Variants in SNTG1 observed in about 807,000 individuals in gnomAD.
SNTG1 encodes syntrophin gamma 1.
In SNTG1, 39 loss-of-function variants were observed where a neutral mutation model predicts 74.7. That is an observed-to-expected ratio of 0.52 (90% CI 0.40 to 0.68). The LOEUF is 0.68. SNTG1 is among the 30% of genes least tolerant of loss of function. SNTG1 has a pLI of 0.00. For missense variants in SNTG1, 685 were observed against 609.5 expected, an observed-to-expected ratio of 1.12 and a Z score of -1.30; for synonymous variants, 254 against 217.1, an observed-to-expected ratio of 1.17 and a Z score of -1.49.
At chr8:50,154,449 T>C (rs1380721773) in intron 1 of SNTG1, among the ~76,000 whole-genome samples, 1 of 152,030 alleles carries the variant, frequency 6.6e-6, no homozygotes, top group Non-Finnish European at 1.5e-5. Flanking sequence ...ACCCCCACTG[T>C]CCAACGTGCC....
chr8:50,467,774 T>C (rs1009403171), intron 8 of SNTG1, among the ~76,000 whole-genome samples: 14 of 151,924 alleles, frequency 9.2e-5, no homozygotes, highest in African/African-American at 2.9e-4. Flanking sequence ...CATTCAATGG[T>C]TTAAATTTAT....
chr8:50,264,562 T>A, intron 2 of SNTG1, among the ~76,000 whole-genome samples: 1 of 148,928 alleles, frequency 6.7e-6, no homozygotes. Context: ...AGAGCAAGCC[T>A]CCGTCTCAAA....
intron 2 of SNTG1, among the ~76,000 whole-genome samples, chr8:50,276,188 G>C (rs1368451348): frequency 6.6e-6 from 1 of 151,994 alleles, no homozygotes; most frequent in African/African-American, 2.4e-5. Context: ...CATTCTGCTT[G>C]TTTGTTAATT....
At chr8:50,295,849 C>T (rs1185563797) in intron 2 of SNTG1, among the ~76,000 whole-genome samples, 4 of 152,066 alleles carry the variant, frequency 2.6e-5, no homozygotes, top group Non-Finnish European at 5.9e-5. Context: ...TATCTTTGGA[C>T]AAAATGTTCC....
At chr8:49,969,204 C>T (rs113232764) in intron 1 of SNTG1, among the ~76,000 whole-genome samples, 2 of 151,884 alleles carry the variant, frequency 1.3e-5, no homozygotes, top group African/African-American at 4.8e-5. Flanking sequence ...TTTTAAGAGG[C>T]TTGGTTTACT....
At chr8:50,790,247 CCTTT>C (rs1252068515) in intron 18 of SNTG1, among the ~76,000 whole-genome samples, 2 of 151,856 alleles carry the variant, frequency 1.3e-5, no homozygotes, top group Admixed American at 6.6e-5. Flanking sequence ...CTGTTTTGTT[CCTTT>C]GTTTGTTTTT....
intron 1 of SNTG1, among the ~76,000 whole-genome samples, chr8:50,049,009 A>G (rs1819336354): frequency 6.6e-6 from 1 of 152,096 alleles, no homozygotes; most frequent in African/African-American, 2.4e-5. Context: ...AAAGTTAAAA[A>G]AACTATAATT....
chr8:50,702,723 A>G (rs148544838), intron 15 of SNTG1, among the ~76,000 whole-genome samples: 1 of 152,304 alleles, frequency 6.6e-6, no homozygotes, highest in African/African-American at 2.4e-5. Context: ...CCACTGTTGT[A>G]CAAACACCAC....
chr8:50,344,208 T>C (rs2091404117), intron 2 of SNTG1, among the ~76,000 whole-genome samples: 1 of 152,218 alleles, frequency 6.6e-6, no homozygotes, highest in Non-Finnish European at 1.5e-5. Flanking sequence ...ACCTTATATA[T>C]ACACCATTTT....
At chr8:50,426,125 T>C (rs1300267166) in intron 4 of SNTG1, among the ~76,000 whole-genome samples, 2 of 152,154 alleles carry the variant, frequency 1.3e-5, no homozygotes, top group Non-Finnish European at 2.9e-5. Context: ...TGAATACATT[T>C]TGATAGGTAA....
At chr8:49,927,681 G>A (rs1388904945) in intron 1 of SNTG1, among the ~76,000 whole-genome samples, 3 of 152,016 alleles carry the variant, frequency 2.0e-5, no homozygotes, top group Non-Finnish European at 4.4e-5. Context: ...GAAATTAGGG[G>A]GAGGGAGGGA....
At chr8:50,623,265 A>G (rs901706752) in intron 13 of SNTG1, among the ~76,000 whole-genome samples, 3 of 152,100 alleles carry the variant, frequency 2.0e-5, no homozygotes, top group African/African-American at 4.8e-5. Flanking sequence ...AGAGGAAAAA[A>G]TTTCAGTTTT....
chr8:50,462,848 C>T (rs1415701890), intron 8 of SNTG1, among the ~76,000 whole-genome samples: 4 of 95,552 alleles, frequency 4.2e-5, no homozygotes, highest in African/African-American at 8.8e-5. Flanking sequence ...GACGAAGTCT[C>T]ATTGTGTTGC....
chr8:50,166,934 A>C (rs1173257002), intron 1 of SNTG1, among the ~76,000 whole-genome samples: 1 of 149,664 alleles, frequency 6.7e-6, no homozygotes, highest in Non-Finnish European at 1.5e-5. Flanking sequence ...ATGGAATACT[A>C]TGCAGCCATA....
chr8:50,104,192 G>T (rs1053063815), intron 1 of SNTG1, among the ~76,000 whole-genome samples: 1 of 152,028 alleles, frequency 6.6e-6, no homozygotes, highest in South Asian at 2.1e-4. Context: ...ATCTGGTCTT[G>T]GACTCTTTTT....
chr8:49,936,797 A>G (rs1808118889), intron 1 of SNTG1, among the ~76,000 whole-genome samples: 1 of 152,160 alleles, frequency 6.6e-6, no homozygotes, highest in Non-Finnish European at 1.5e-5. Context: ...CAAGCAAAAA[A>G]CAGCAATTAT....
chr8:50,588,347 C>A (rs1054691879), intron 12 of SNTG1, among the ~76,000 whole-genome samples: 3 of 152,042 alleles, frequency 2.0e-5, no homozygotes, highest in Non-Finnish European at 2.9e-5. Flanking sequence ...GGAAAAATTT[C>A]TGAATACAAT....
At chr8:50,565,947 C>A (rs955278820) in intron 12 of SNTG1, among the ~76,000 whole-genome samples, 1 of 151,808 alleles carries the variant, frequency 6.6e-6, no homozygotes, top group Non-Finnish European at 1.5e-5. Context: ...TAAAGAGATA[C>A]AATCATAGCA....
chr8:50,128,617 T>C (rs894284829), intron 1 of SNTG1, among the ~76,000 whole-genome samples: 9 of 152,098 alleles, frequency 5.9e-5, no homozygotes, highest in Non-Finnish European at 7.4e-5. Context: ...GTGGGATGAC[T>C]TTGAACAAGT....
Sources: gnomAD v4.1 joint callset for allele counts (sites outside exome capture counted in the v4.1 genomes callset) on GRCh38, gnomAD v4.1.1 for gene constraint, MANE v1.5 for transcripts, NCBI Gene and HGNC (gene_info 2026-07-23, HGNC 2026-07-21) for gene names.